DMD: variants seen among roughly 807,000 people sequenced by gnomAD.
DMD encodes dystrophin.
In DMD, 63 loss-of-function variants were observed where a neutral mutation model predicts 330.1. That is an observed-to-expected ratio of 0.19 (90% confidence interval 0.16 to 0.24). DMD has a LOEUF of 0.24. DMD is among the 10% of genes least tolerant of loss of function. DMD has a pLI of 1.00. For missense variants in DMD, 3,344 were observed against 2,684.1 expected, an observed-to-expected ratio of 1.25 and a Z score of -5.43; for synonymous variants, 1,223 against 959.8, an observed-to-expected ratio of 1.27 and a Z score of -5.07.
intron 2 of DMD, among the ~76,000 whole-genome samples, chrX:32,910,528 C>T (rs945955719): frequency 3.6e-5 from 4 of 110,813 alleles, no homozygotes; most frequent in African/African-American, 1.3e-4. Flanking sequence ...TCCCAATTCT[C>T]CTGCCAAGCG....
At chrX:32,570,809 G>C (rs1459278656) in intron 15 of DMD, among the ~76,000 whole-genome samples, 1 of 111,684 alleles carries the variant, frequency 9.0e-6, no homozygotes, top group Non-Finnish European at 1.9e-5. Context: ...ATCTCATCTA[G>C]CTTTAACATA....
intron 7 of DMD, among the ~76,000 whole-genome samples, chrX:32,702,405 A>C (rs1163614090): frequency 1.8e-5 from 2 of 111,463 alleles, no homozygotes; most frequent in Non-Finnish European, 3.8e-5. Context: ...ATGTAGAATA[A>C]ACATGCAGAG....
intron 29 of DMD, among the ~76,000 whole-genome samples, chrX:32,426,505 A>T (rs1331607779): frequency 9.0e-6 from 1 of 111,296 alleles, no homozygotes; most frequent in Non-Finnish European, 1.9e-5. Context: ...TGGCAGAGAA[A>T]ACAGAACATT....
chrX:32,433,988 T>C (rs1321766735), intron 29 of DMD, among the ~76,000 whole-genome samples: 1 of 111,968 alleles, frequency 8.9e-6, no homozygotes, highest in East Asian at 2.8e-4. Context: ...GCTATATGAT[T>C]ATCAAGAATG....
intron 25 of DMD, among the ~76,000 whole-genome samples, chrX:32,462,892 T>A (rs921283222): frequency 3.6e-5 from 4 of 110,988 alleles, no homozygotes; most frequent in African/African-American, 1.3e-4. Context: ...CCCAGGAGGT[T>A]GAGGCTGCAG....
At chrX:31,671,763 T>C (rs1229065754) in intron 53 of DMD, among the ~76,000 whole-genome samples, 2 of 112,006 alleles carry the variant, frequency 1.8e-5, no homozygotes, top group African/African-American at 3.2e-5. Context: ...ACCCTCTTTT[T>C]CTCTAATATT....
At chrX:32,657,763 TCAG>T (rs1295516785) in intron 9 of DMD, among the ~76,000 whole-genome samples, 1 of 112,087 alleles carries the variant, frequency 8.9e-6, no homozygotes, top group Non-Finnish European at 1.9e-5. Flanking sequence ...ACAAAATGTC[TCAG>T]AAGACCAAAT....
chrX:31,627,947 G>A, intron 54 of DMD, 85 bp from the exon 55 acceptor site: 1 of 917,206 alleles, frequency 1.1e-6, no homozygotes, highest in Admixed American at 2.6e-5. Flanking sequence ...AAAGATGGAG[G>A]AACTAAATTG....
chrX:31,730,241 G>A (rs1484284229), intron 51 of DMD, among the ~76,000 whole-genome samples: 1 of 112,003 alleles, frequency 8.9e-6, no homozygotes, highest in African/African-American at 3.2e-5. Context: ...AAAAGGTGAA[G>A]TAGACGAGCT....
chrX:32,398,274 C>A lies in DMD; in HGVS notation c.4234-8093G>T, dbSNP rs868631211. On this transcript the variant is annotated intron_variant, in intron 30 of 78. Coordinates refer to ENST00000357033, the MANE Select transcript of DMD (RefSeq NM_004006.3). ...TACTCTTTTTTTAAACCCCCCCCCC[C>A]AAGTAGAGTTACTTAGAAAAATATT... Among the ~76,000 whole-genome samples the A allele has an allele frequency of 6.0e-3, 568 of 94,426 alleles. 2 individuals are homozygous for A. The highest frequency in any genetic ancestry group is 0.018 in the African/African-American group (471 of 25,715). 82.0% of individuals were successfully genotyped at this position (94,426 alleles called of 115,157 possible).
chrX:32,085,061 G>C (rs185494027), intron 44 of DMD, among the ~76,000 whole-genome samples: 1 of 110,931 alleles, frequency 9.0e-6, no homozygotes. Context: ...CTCTTGAAAG[G>C]CAAGCCAAAT....
At chrX:31,915,801 A>C (rs2094602190) in intron 47 of DMD, among the ~76,000 whole-genome samples, 1 of 111,821 alleles carries the variant, frequency 8.9e-6, no homozygotes, top group Non-Finnish European at 1.9e-5. Context: ...ATACATAGGA[A>C]TGCATCTTAA....
chrX:31,522,357 C>CTATATATA (rs1205735701), intron 55 of DMD, among the ~76,000 whole-genome samples: 30 of 57,629 alleles, frequency 5.2e-4, no homozygotes, highest in Non-Finnish European at 7.0e-4. Context: ...CTCTCTCTCT[C>CTATATATA]TCTCTCTATA....
chrX:31,679,662 C>T (rs2082270409), intron 52 of DMD, 76 bp from the exon 53 acceptor site: 31 of 838,437 alleles, frequency 3.7e-5, no homozygotes, highest in Middle Eastern at 2.8e-4. Context: ...AACTTCCAAA[C>T]GTTATCTCAC....
chrX:31,171,192 G>A (rs184202090), intron 73 of DMD, among the ~76,000 whole-genome samples: 27 of 111,964 alleles, frequency 2.4e-4, no homozygotes, highest in African/African-American at 7.8e-4. Context: ...TTGGGGAAAG[G>A]CTTTTTTGTT....
At chrX:32,793,681 C>G (rs1202113549) in intron 7 of DMD, among the ~76,000 whole-genome samples, 1 of 111,589 alleles carries the variant, frequency 9.0e-6, no homozygotes, top group African/African-American at 3.3e-5. Context: ...AATTCCCGGA[C>G]ACATACAACC....
chrX:32,236,017 A>G (rs1025043788), intron 43 of DMD, among the ~76,000 whole-genome samples: 6 of 111,970 alleles, frequency 5.4e-5, no homozygotes, highest in African/African-American at 1.9e-4. Context: ...TTTTTTAAGG[A>G]ATTCATTTAA....
At chrX:32,678,499 CGT>C (rs760244852) in intron 9 of DMD, among the ~76,000 whole-genome samples, 84 of 105,470 alleles carry the variant, frequency 8.0e-4, no homozygotes, top group Middle Eastern at 4.9e-3. Flanking sequence ...TTTGCGTGTC[CGT>C]GTGTGTGTGT....
intron 44 of DMD, among the ~76,000 whole-genome samples, chrX:32,161,976 T>C (rs1005044223): frequency 9.0e-6 from 1 of 111,473 alleles, no homozygotes; most frequent in Admixed American, 9.6e-5. Flanking sequence ...GATTGAAACC[T>C]AGTGAATGAG....
Sources: gnomAD v4.1 joint callset for allele counts (sites outside exome capture counted in the v4.1 genomes callset) on GRCh38, gnomAD v4.1.1 for gene constraint, MANE v1.5 for transcripts, NCBI Gene and HGNC (gene_info 2026-07-23, HGNC 2026-07-21) for gene names.